The following STARD13 variants were observed in gnomAD, a reference collection of about 807,000 sequenced individuals.
STARD13 encodes the protein StAR related lipid transfer domain containing 13.
Under a neutral mutation model 106.4 loss-of-function variants are expected in STARD13, and 62 were observed. The ratio of observed to expected loss-of-function variants is 0.58; its 90% CI spans 0.48 to 0.72. STARD13 has a LOEUF of 0.72. Among genes scored for constraint, STARD13 ranks in the 30% least tolerant of loss-of-function variants. The probability of loss-of-function intolerance (pLI) is 0.00; values close to 1 mark genes in which losing one functional copy is unlikely to be tolerated. For synonymous variants in STARD13, 565 were observed against 553.0 expected, an observed-to-expected ratio of 1.02 and a Z score of -0.31; for missense variants, 1,387 against 1,424.0, an observed-to-expected ratio of 0.97 and a Z score of 0.42.
chr13:33,142,333 C>T lies in STARD13; in HGVS notation c.364G>A (p.Asp122Asn). ...TLNKCASMKL[D>N]VNFQRKKGDD... ...ACCTTTTTCCTTTGGAAGTTCACAT[C>T]AAGTTTCATTGAGGCACACTTGTTC... The change falls in exon 4 of 14, where the codon GAT becomes AAT. Residue 122 changes from aspartate (D) to asparagine (N), a missense_variant. Physicochemically the swap from Asp to Asn is conservative, Grantham distance 23. Transcript: ENST00000336934. 2 of 1,614,022 alleles carry T rather than the reference C, an allele frequency of 1.2e-6. No individual in the cohort carries two copies. Among genetic ancestry groups the T allele is most frequent in the African/African-American group, 1.3e-5 (1 of 75,010 alleles).
chr13:33,465,282 T>G, the STARD13 span, among the ~76,000 whole-genome samples: 3 of 146,562 alleles, frequency 2.0e-5, no homozygotes, highest in Admixed American at 1.4e-4. Context: ...CTCGGCTCAC[T>G]GCAAGCTCCG....
At chr13:33,197,177 T>A (rs1886685128) in intron 1 of STARD13, among the ~76,000 whole-genome samples, 1 of 152,166 alleles carries the variant, frequency 6.6e-6, no homozygotes, top group Non-Finnish European at 1.5e-5. Context: ...GCTACTAGGC[T>A]ATGGGAAGCT....
At chr13:33,661,504 G>A in the STARD13 span, among the ~76,000 whole-genome samples, 1 of 152,158 alleles carries the variant, frequency 6.6e-6, no homozygotes, top group African/African-American at 2.4e-5. Flanking sequence ...AGAGCTGCCC[G>A]AAACTGGGTA....
At chr13:33,595,528 A>G in the STARD13 span, among the ~76,000 whole-genome samples, 2,282 of 152,330 alleles carry the variant, frequency 0.015, 50 homozygotes, top group African/African-American at 0.051. Flanking sequence ...ATGTGTTAAT[A>G]TAGAGAAAGA....
upstream of STARD13, among the ~76,000 whole-genome samples, chr13:33,353,384 C>T (rs959368434): frequency 2.0e-4 from 30 of 152,326 alleles, no homozygotes; most frequent in African/African-American, 7.2e-4. Flanking sequence ...GGTGCATGGA[C>T]CATTGGACAC....
In STARD13 at chr13:33,112,949, C is replaced by A. The variant is rs370930866; in HGVS notation, c.2282-18G>T. On this transcript the variant is annotated intron_variant, in intron 8 of 13. Transcript: ENST00000336934. ...GGAGACATCTGAGGAAAAGTGGATG[C>A]CAGGTCATTGGAGGAGCAGACATAG... 8.9e-5 allele frequency: 141 copies of A among 1,585,076 alleles called. No homozygotes were observed. Among genetic ancestry groups the A allele is most frequent in the Admixed American group, 5.5e-4 (31 of 55,872 alleles).
the STARD13 span, among the ~76,000 whole-genome samples, chr13:33,544,514 A>C: frequency 6.6e-6 from 1 of 152,224 alleles, no homozygotes; most frequent in Non-Finnish European, 1.5e-5. Context: ...ATCAGTTCCT[A>C]AAATGTAGAA....
chr13:33,524,620 T>C, the STARD13 span, among the ~76,000 whole-genome samples: 32 of 152,184 alleles, frequency 2.1e-4, 1 homozygote, highest in African/African-American at 7.2e-4. Flanking sequence ...CTAAAAGTGA[T>C]TGTAAACTCT....
the STARD13 span, among the ~76,000 whole-genome samples, chr13:33,407,721 G>A: frequency 2.6e-5 from 4 of 152,144 alleles, no homozygotes; most frequent in African/African-American, 4.8e-5. Context: ...TCACAGCCAG[G>A]AGCTGCTTAG....
At chr13:33,311,100 C>T (rs1324820428) in intron 1 of STARD13, among the ~76,000 whole-genome samples, 2 of 150,672 alleles carry the variant, frequency 1.3e-5, no homozygotes, top group South Asian at 2.1e-4. Context: ...TTGAGACCCA[C>T]CTGGGCAACA....
chr13:33,247,276 C>A (rs139018980), intron 1 of STARD13, among the ~76,000 whole-genome samples: 22 of 151,908 alleles, frequency 1.4e-4, no homozygotes, highest in Non-Finnish European at 2.5e-4. Flanking sequence ...AGAGAAAGTG[C>A]GGCTTGGTTT....
chr13:33,316,549 T>C (rs1893346854), intron 1 of STARD13, among the ~76,000 whole-genome samples: 1 of 152,204 alleles, frequency 6.6e-6, no homozygotes, highest in Admixed American at 6.5e-5. Flanking sequence ...CTCTATTTTA[T>C]AAATGTGGGA....
the STARD13 span, among the ~76,000 whole-genome samples, chr13:33,651,421 C>T: frequency 3.9e-5 from 6 of 152,254 alleles, no homozygotes; most frequent in African/African-American, 4.8e-5. Flanking sequence ...ATCATCATTC[C>T]GGGTTGCATA....
the STARD13 span, among the ~76,000 whole-genome samples, chr13:33,552,355 G>C: frequency 6.6e-6 from 1 of 152,128 alleles, no homozygotes; most frequent in Non-Finnish European, 1.5e-5. Context: ...AGCACACACA[G>C]ACTGTCCTCC....
At chr13:33,427,206 A>C in the STARD13 span, among the ~76,000 whole-genome samples, 1 of 152,204 alleles carries the variant, frequency 6.6e-6, no homozygotes, top group African/African-American at 2.4e-5. Context: ...AGACGTACAC[A>C]GATGGGTGCC....
rs949285486 is a variant in STARD13 at position 33,258,844 on chromosome 13, G to C, written c.169+26626C>G. On this transcript the variant is annotated intron_variant, in intron 1 of 13. Transcript: ENST00000336934. ...ATTTGCTCTTCCTAGAACAGACCAT[G>C]CTCTCTCACTGTGCTTGACTACAGC... Among the ~76,000 whole-genome samples the C allele has an allele frequency of 2.0e-5, 3 of 152,314 alleles. No individual in the cohort carries two copies. In the East Asian group the frequency reaches 5.8e-4, roughly 29 times the overall value.
chr13:33,116,899 C>T (rs755470686), intron 8 of STARD13, among the ~76,000 whole-genome samples: 2 of 152,194 alleles, frequency 1.3e-5, no homozygotes, highest in Non-Finnish European at 2.9e-5. Context: ...ACTCCTTAAA[C>T]ACATTTTATA....
chr13:33,243,153 C>T (rs769559247), intron 1 of STARD13, among the ~76,000 whole-genome samples: 4 of 152,220 alleles, frequency 2.6e-5, no homozygotes, highest in Non-Finnish European at 5.9e-5. Flanking sequence ...TGCACCTCCT[C>T]TTCTTCCTCA....
At chr13:33,632,282 G>A in the STARD13 span, among the ~76,000 whole-genome samples, 1 of 152,124 alleles carries the variant, frequency 6.6e-6, no homozygotes, top group Non-Finnish European at 1.5e-5. Context: ...AAAATGTTCC[G>A]GTACATTCTA....
Sources: allele counts gnomAD v4.1 joint callset (sites outside exome capture counted in the v4.1 genomes callset), GRCh38; gene constraint gnomAD v4.1.1; transcripts MANE v1.5; gene names NCBI Gene and HGNC (gene_info 2026-07-23, HGNC 2026-07-21).